GTF2B: variants seen among roughly 807,000 people sequenced by gnomAD.
GTF2B encodes general transcription factor IIB.
A neutral mutation model predicts 34.6 loss-of-function variants in GTF2B; 20 were observed. The observed-to-expected ratio is 0.58, with a 90% CI of 0.41 to 0.84. The LOEUF is 0.84. GTF2B is among the 40% of genes least tolerant of loss of function. The pLI is 0.00. For missense variants in GTF2B, 237 were observed against 393.3 expected (o/e 0.60, Z 3.36); for synonymous variants, 142 against 132.4 (o/e 1.07, Z -0.50).
intron 1 of GTF2B, among the ~76,000 whole-genome samples, chr1:88,891,218 G>C (rs140514151): frequency 6.6e-6 from 1 of 151,966 alleles, no homozygotes; most frequent in African/African-American, 2.4e-5. Context: ...GCAAGGACTG[G>C]GGACACAGTA....
rs1361709706 is a variant in GTF2B, at chr1:88,860,146, A to G, written c.399T>C (p.Asn133=). 2 of 1,613,988 alleles carry G rather than the reference A, an allele frequency of 1.2e-6. No individual in the cohort carries two copies. Among genetic ancestry groups the G allele is most frequent in the African/African-American group, 2.7e-5 (2 of 74,930 alleles). Residue 133 remains asparagine (N), a synonymous_variant, in exon 4 of 7, where the codon AAT becomes AAC. Transcript: ENST00000370500. ...TMADRINLPR[N]IVDRTNNLFK... ...GAGGTAGACAAGAACTTACAACTAT[A>G]TTTCGAGGTAGATTGATTCTGTCTG...
Position 88,860,198 on chromosome 1 carries a change from T to G in GTF2B, c.347A>C (p.Asn116Thr). The G allele has an allele frequency of 6.2e-7, 1 of 1,613,882 alleles. No homozygotes were observed. The highest frequency in any genetic ancestry group is 1.3e-5 in the African/African-American group (1 of 75,042). ...CATGGTAGTGATTTCTTTGAATGCA[T>G]TCATCATTGCCCGATCAGAACTGCT... ...TMSSSDRAMM[N>T]AFKEITTMAD... Residue 116 changes from asparagine (N) to threonine (T), a missense_variant, in exon 4 of 7, where the codon AAT (asparagine) becomes ACT (threonine). By Grantham distance (65) the Asn-to-Thr change is moderately conservative. Around this residue, in one of 3 missense-constraint regions of GTF2B, gnomAD observed 130 missense variants for 170.9 expected, o/e 0.76. Coordinates refer to ENST00000370500, the MANE Select transcript of GTF2B (RefSeq NM_001514.6).
intron 2 of GTF2B, among the ~76,000 whole-genome samples, chr1:88,876,433 A>G (rs1673817081): frequency 6.6e-6 from 1 of 152,170 alleles, no homozygotes; most frequent in African/African-American, 2.4e-5. Flanking sequence ...AGCACTGTGG[A>G]GTCTGGAGCA....
intron 1 of GTF2B, among the ~76,000 whole-genome samples, chr1:88,889,827 T>C (rs924747042): frequency 6.6e-6 from 1 of 152,180 alleles, no homozygotes; most frequent in African/African-American, 2.4e-5. Flanking sequence ...AGGACCAGCC[T>C]GGGCAATGTA....
chr1:88,890,983 C>T (rs1476089731), intron 1 of GTF2B, among the ~76,000 whole-genome samples: 1 of 152,014 alleles, frequency 6.6e-6, no homozygotes, highest in Non-Finnish European at 1.5e-5. Flanking sequence ...CAGGTTCCAT[C>T]TGGCTTACCA....
intron 2 of GTF2B, among the ~76,000 whole-genome samples, chr1:88,882,832 T>C (rs903749580): frequency 6.6e-6 from 1 of 152,228 alleles, no homozygotes; most frequent in African/African-American, 2.4e-5. Context: ...CTCCTGATAA[T>C]GGCCTTTTAA....
intron 2 of GTF2B, among the ~76,000 whole-genome samples, chr1:88,868,364 G>C (rs963209584): frequency 5.9e-5 from 9 of 152,134 alleles, no homozygotes; most frequent in African/African-American, 2.2e-4. Flanking sequence ...TCTATGTGAA[G>C]ATTTATAGTA....
intron 6 of GTF2B, among the ~76,000 whole-genome samples, chr1:88,856,302 A>C (rs2100961021): frequency 6.7e-6 from 1 of 149,780 alleles, no homozygotes; most frequent in Admixed American, 6.7e-5. Flanking sequence ...AAAAAAAAAA[A>C]AGGAAAAGAA....
chr1:88,861,789 A>G (rs1372564985), intron 3 of GTF2B, among the ~76,000 whole-genome samples: 1 of 152,200 alleles, frequency 6.6e-6, no homozygotes, highest in Non-Finnish European at 1.5e-5. Context: ...CTATGATTAC[A>G]TCACTTCACT....
chr1:88,879,768 C>T (rs1188222199), intron 2 of GTF2B, among the ~76,000 whole-genome samples: 2 of 151,770 alleles, frequency 1.3e-5, no homozygotes. Flanking sequence ...AAATATAAGA[C>T]TGTCCAGCTG....
At chr1:88,885,273 T>C (rs566459402) in intron 2 of GTF2B, among the ~76,000 whole-genome samples, 32 of 145,258 alleles carry the variant, frequency 2.2e-4, no homozygotes, top group African/African-American at 8.7e-4. Flanking sequence ...ACCCTGTCTC[T>C]ACTAAAAATA....
intron 3 of GTF2B, 133 bp from the exon 4 acceptor site, chr1:88,860,419 A>G (rs1673407844): frequency 3.2e-6 from 2 of 622,296 alleles, no homozygotes; most frequent in South Asian, 4.2e-5. Flanking sequence ...CTGCTCATCT[A>G]TACTAAATGA....
intron 2 of GTF2B, among the ~76,000 whole-genome samples, chr1:88,878,677 A>T (rs972643324): frequency 2.0e-5 from 3 of 152,236 alleles, no homozygotes; most frequent in African/African-American, 7.2e-5. Context: ...GGTGGGTCCT[A>T]TCATGGCTCT....
At chr1:88,869,654 G>A (rs1400185994) in intron 2 of GTF2B, among the ~76,000 whole-genome samples, 2 of 152,042 alleles carry the variant, frequency 1.3e-5, no homozygotes, top group East Asian at 1.9e-4. Flanking sequence ...CCGAGACGGA[G>A]TCTCACTCTT....
chr1:88,878,701 C>A (rs139087327), intron 2 of GTF2B, among the ~76,000 whole-genome samples: 91 of 152,338 alleles, frequency 6.0e-4, no homozygotes, highest in African/African-American at 2.1e-3. Flanking sequence ...GAATACAATA[C>A]TGAAGTGATC....
intron 2 of GTF2B, among the ~76,000 whole-genome samples, chr1:88,865,741 C>T (rs1044366396): frequency 4.0e-5 from 6 of 151,504 alleles, no homozygotes; most frequent in African/African-American, 1.5e-4. Context: ...ATCCCAGCTA[C>T]TCAGGAGGCT....
At chr1:88,885,846 G>A (rs1674054943) in intron 2 of GTF2B, among the ~76,000 whole-genome samples, 1 of 152,224 alleles carries the variant, frequency 6.6e-6, no homozygotes, top group South Asian at 2.1e-4. Context: ...ATTTAAAAAT[G>A]TAAAAGCCAG....
intron 6 of GTF2B, among the ~76,000 whole-genome samples, chr1:88,856,285 A>AAAAAAAAAAAAAAAAAAAAG (rs1673309098): frequency 2.8e-5 from 3 of 106,220 alleles, no homozygotes; most frequent in Non-Finnish European, 5.4e-5. Context: ...AAAAAAAAAA[A>AAAAAAAAAAAAAAAAAAAAG]AAAAACAAAA....
At chr1:88,883,370 TCACCCTAA>T (rs1171476905) in intron 2 of GTF2B, among the ~76,000 whole-genome samples, 2 of 152,164 alleles carry the variant, frequency 1.3e-5, no homozygotes. Flanking sequence ...TTAAGACAAG[TCACCCTAA>T]CAGTATTTTG....
Sources: allele counts gnomAD v4.1 joint callset (sites outside exome capture counted in the v4.1 genomes callset), GRCh38; gene constraint gnomAD v4.1.1; regional missense constraint gnomAD v4.1.1; transcripts MANE v1.5; gene names NCBI Gene and HGNC (gene_info 2026-07-23, HGNC 2026-07-21).